KCNIP4: variants seen among roughly 807,000 people sequenced by gnomAD.
The protein encoded by KCNIP4 is Kv channel-interacting protein 4.
A neutral mutation model predicts 34.0 loss-of-function variants in KCNIP4; 12 were observed. The ratio of observed to expected loss-of-function variants is 0.35; its 90% CI spans 0.23 to 0.57. KCNIP4 has a LOEUF of 0.57. KCNIP4 is among the 20% of genes least tolerant of loss of function. The probability of loss-of-function intolerance (pLI) is 0.83; values close to 1 mark genes in which losing one functional copy is unlikely to be tolerated. For synonymous variants in KCNIP4, 124 were observed against 102.2 expected (o/e 1.21, Z -1.29); for missense variants, 238 against 311.7 (o/e 0.76, Z 1.78).
intron 1 of KCNIP4, among the ~76,000 whole-genome samples, chr4:20,926,309 G>A (rs1353076534): frequency 6.6e-6 from 1 of 152,206 alleles, no homozygotes; most frequent in Non-Finnish European, 1.5e-5. Context: ...AGGAAAGTTT[G>A]ACAGGTGAGA....
At chr4:21,308,760 C>T (rs921338733) in intron 1 of KCNIP4, among the ~76,000 whole-genome samples, 6 of 151,644 alleles carry the variant, frequency 4.0e-5, no homozygotes, top group Non-Finnish European at 7.4e-5. Flanking sequence ...TATGAAGCGG[C>T]AGTGAGAGAA....
intron 1 of KCNIP4, among the ~76,000 whole-genome samples, chr4:21,452,661 A>G (rs2109747672): frequency 6.6e-6 from 1 of 152,112 alleles, no homozygotes; most frequent in African/African-American, 2.4e-5. Flanking sequence ...GGCTAAAATT[A>G]TCATCACCAT....
At chr4:21,797,756 G>A (rs1271495104) in intron 1 of KCNIP4, among the ~76,000 whole-genome samples, 2 of 152,048 alleles carry the variant, frequency 1.3e-5, no homozygotes, top group Non-Finnish European at 2.9e-5. Flanking sequence ...AATAAGATAA[G>A]TTATGTATTG....
intron 1 of KCNIP4, among the ~76,000 whole-genome samples, chr4:21,121,507 G>T (rs1750153129): frequency 3.3e-5 from 5 of 152,200 alleles, no homozygotes; most frequent in Admixed American, 3.3e-4. Flanking sequence ...GAAAGTAAAA[G>T]TGCTGACTGC....
intron 1 of KCNIP4, among the ~76,000 whole-genome samples, chr4:21,374,944 G>A (rs1396561740): frequency 6.8e-6 from 1 of 147,394 alleles, no homozygotes; most frequent in Non-Finnish European, 1.5e-5. Flanking sequence ...CCTAATGACA[G>A]AAGAAATACA....
intron 1 of KCNIP4, among the ~76,000 whole-genome samples, chr4:21,516,119 G>A (rs1440927634): frequency 1.3e-5 from 2 of 152,288 alleles, no homozygotes; most frequent in East Asian, 1.9e-4. Flanking sequence ...GGAAACTTAT[G>A]TTGAGCTCTA....
intron 1 of KCNIP4, among the ~76,000 whole-genome samples, chr4:21,676,860 A>G (rs889692351): frequency 3.9e-5 from 6 of 152,156 alleles, no homozygotes; most frequent in Admixed American, 6.5e-5. Context: ...ATAAAATTAC[A>G]TAATTAATAC....
chr4:21,410,043 A>T (rs974947181), intron 1 of KCNIP4, among the ~76,000 whole-genome samples: 1 of 152,162 alleles, frequency 6.6e-6, no homozygotes, highest in Non-Finnish European at 1.5e-5. Flanking sequence ...ATTGCAGTTG[A>T]TGGCACTCCT....
At chr4:21,659,854 G>A (rs1213431115) in intron 1 of KCNIP4, among the ~76,000 whole-genome samples, 2 of 152,142 alleles carry the variant, frequency 1.3e-5, no homozygotes, top group African/African-American at 4.8e-5. Context: ...TATAGTAGAT[G>A]ATTAATTAAT....
At chr4:21,236,897 C>T (rs1394493834) in intron 1 of KCNIP4, among the ~76,000 whole-genome samples, 2 of 150,856 alleles carry the variant, frequency 1.3e-5, no homozygotes, top group Non-Finnish European at 2.9e-5. Flanking sequence ...ATGCCAATTA[C>T]TCGGGAGGCT....
chr4:21,815,573 G>A (rs908459434), intron 1 of KCNIP4, among the ~76,000 whole-genome samples: 2 of 152,068 alleles, frequency 1.3e-5, no homozygotes, highest in Non-Finnish European at 2.9e-5. Context: ...AACATTTATA[G>A]CATAATTATT....
Position 21,917,189 on chromosome 4 carries a change from C to T in KCNIP4, c.61+31382G>A, listed in dbSNP as rs150608650. On this transcript the variant is annotated intron_variant, in intron 1 of 8. Transcript: ENST00000382152. ...TCGCACTGTCGCCCAGGCTGGAGTG[C>T]AATGGTGTGGTCTCGGCTCACTGCA... 2.0e-4 allele frequency among the ~76,000 whole-genome samples: 30 copies of T among 152,226 alleles called. No individual in the cohort carries two copies. The East Asian group carries it at 5.8e-3, about 30-fold the overall frequency.
intron 1 of KCNIP4, among the ~76,000 whole-genome samples, chr4:20,913,657 A>G (rs1728544477): frequency 6.6e-6 from 1 of 152,180 alleles, no homozygotes; most frequent in South Asian, 2.1e-4. Flanking sequence ...TGCAGCTCAT[A>G]GTTCTAGGCG....
Position 21,247,908 on chromosome 4 carries a change from T to TATATAC in KCNIP4, c.62-365200_62-365199insGTATAT, listed in dbSNP as rs560733464. ...CCACAGGTAGATATATATATATATA[T>TATATAC]ACACACACACACATATATATATACA... is the stretch of plus-strand genomic sequence containing the variant. On this transcript the variant is annotated intron_variant, in intron 1 of 8. Transcript: ENST00000382152. 1.8e-3 allele frequency among the ~76,000 whole-genome samples: 234 copies of TATATAC among 130,912 alleles called. 6 individuals are homozygous for TATATAC. Among genetic ancestry groups the TATATAC allele is most frequent in the African/African-American group, 7.2e-3 (221 of 30,882 alleles). 85.9% of individuals were successfully genotyped at this position (130,912 alleles called of 152,430 possible).
chr4:21,092,739 TAAAC>T lies in KCNIP4; in HGVS notation c.62-210034_62-210031del, dbSNP rs1747111093. ...CAGGGAGCATACTCCATGACAGAAA[TAAAC>T]AAACAGCCAGGTGGCCCAAGTAATG... On this transcript the variant is annotated intron_variant, in intron 1 of 8. Coordinates refer to ENST00000382152, the MANE Select transcript of KCNIP4 (RefSeq NM_025221.6). 3.9e-5 allele frequency among the ~76,000 whole-genome samples: 6 copies of T among 152,196 alleles called. No individual in the cohort carries two copies. The South Asian group carries it at 1.2e-3, about 32-fold the overall frequency.
chr4:21,371,719 T>C lies in KCNIP4; in HGVS notation c.62-489010A>G, dbSNP rs1720469671. On this transcript the variant is annotated intron_variant, in intron 1 of 8. Transcript: ENST00000382152. ...TTGGTTCCAGATGTATGGAATGTAC[T>C]AGAAAGAAACATGATTGAAAGCACT... 2.0e-5 allele frequency among the ~76,000 whole-genome samples: 3 copies of C among 147,208 alleles called. 1 individual carries two copies. The South Asian group carries it at 6.3e-4, about 31-fold the overall frequency.
chr4:21,113,455 TAAAAAA>T (rs56676152), intron 1 of KCNIP4, among the ~76,000 whole-genome samples: 5 of 62,382 alleles, frequency 8.0e-5, no homozygotes, highest in African/African-American at 1.4e-4. Context: ...TCTATAAGTT[TAAAAAA>T]AAAAAAAAAA....
rs1749464967 is a variant in KCNIP4, at chr4:21,671,059, C to T, written c.61+277512G>A. On this transcript the variant is annotated intron_variant, in intron 1 of 8. Transcript: ENST00000382152. ...AATTGAAGTAAAAATGACTTAGTGTCGTTTTGTTTCTGCTGTGTTTCTACA... is the reference window on the plus strand; with the variant it reads ...AATTGAAGTAAAAATGACTTAGTGTTGTTTTGTTTCTGCTGTGTTTCTACA... Among the ~76,000 whole-genome samples the T allele has an allele frequency of 4.0e-5, 6 of 151,388 alleles. No homozygotes were observed. In the South Asian group the frequency reaches 1.2e-3, roughly 31 times the overall value.
At chr4:21,240,138 A>G (rs1306829525) in intron 1 of KCNIP4, among the ~76,000 whole-genome samples, 1 of 147,212 alleles carries the variant, frequency 6.8e-6, no homozygotes, top group Non-Finnish European at 1.5e-5. Flanking sequence ...AAAACCAAAC[A>G]CCGCATGTTC....
Sources: gnomAD v4.1 joint callset for allele counts (sites outside exome capture counted in the v4.1 genomes callset) on GRCh38, gnomAD v4.1.1 for gene constraint, MANE v1.5 for transcripts, NCBI Gene and HGNC (gene_info 2026-07-23, HGNC 2026-07-21) for gene names.